SPATA16: variants seen among roughly 807,000 people sequenced by gnomAD.
SPATA16 encodes spermatogenesis associated 16.
SPATA16 carries 36 observed loss-of-function variants against 63.3 expected under a neutral mutation model. That is an observed-to-expected ratio of 0.57 (90% CI 0.44 to 0.75). The LOEUF is 0.75. Ranked by LOEUF, SPATA16 falls within the 30% of genes least tolerant of loss-of-function variation. The pLI is 0.00. For missense variants in SPATA16, 646 were observed against 679.3 expected, an observed-to-expected ratio of 0.95 and a Z score of 0.54; for synonymous variants, 203 against 216.7, an observed-to-expected ratio of 0.94 and a Z score of 0.56.
intron 3 of SPATA16, among the ~76,000 whole-genome samples, chr3:173,036,713 G>C (rs1404716808): frequency 2.0e-5 from 3 of 151,902 alleles, no homozygotes; most frequent in Admixed American, 1.3e-4. Flanking sequence ...TGCATACCTT[G>C]TGTGACATTG....
chr3:172,923,557 C>T (rs183052456), intron 8 of SPATA16, among the ~76,000 whole-genome samples: 1 of 152,182 alleles, frequency 6.6e-6, no homozygotes, highest in Non-Finnish European at 1.5e-5. Flanking sequence ...AAGGAGAAAT[C>T]TGCAGCCTTT....
At chr3:172,977,162 A>C in intron 4 of SPATA16, 110 bp from the exon 5 acceptor site, 1 of 904,110 alleles carries the variant, frequency 1.1e-6, no homozygotes, top group East Asian at 2.6e-5. Flanking sequence ...TTTAATGTAT[A>C]AATTTGTCTA....
At chr3:172,978,127 C>T in intron 4 of SPATA16, among the ~76,000 whole-genome samples, 1 of 150,126 alleles carries the variant, frequency 6.7e-6, no homozygotes, top group East Asian at 1.9e-4. Flanking sequence ...TCAGCTCTCT[C>T]TCTCTCTCTC....
chr3:172,921,222 T>A (rs1372130116), intron 8 of SPATA16, among the ~76,000 whole-genome samples: 2 of 152,154 alleles, frequency 1.3e-5, no homozygotes, highest in African/African-American at 4.8e-5. Flanking sequence ...AAATGTGACA[T>A]TCTACTAGGG....
chr3:172,927,515 C>T (rs1732765931), intron 6 of SPATA16, among the ~76,000 whole-genome samples: 1 of 152,162 alleles, frequency 6.6e-6, no homozygotes, highest in African/African-American at 2.4e-5. Context: ...GGCTAATATT[C>T]ATCTGGCGCT....
At chr3:172,903,367 G>A (rs953722198) in intron 10 of SPATA16, among the ~76,000 whole-genome samples, 1 of 152,140 alleles carries the variant, frequency 6.6e-6, no homozygotes, top group Non-Finnish European at 1.5e-5. Context: ...GGACTAATAC[G>A]AGCATTTCCA....
chr3:172,913,600 A>T, intron 10 of SPATA16, 61 bp downstream of exon 10: 1 of 1,525,190 alleles, frequency 6.6e-7, no homozygotes, highest in Non-Finnish European at 9.1e-7. Context: ...AACAGATTTG[A>T]CCCAAAATGG....
intron 4 of SPATA16, among the ~76,000 whole-genome samples, chr3:172,994,967 G>A (rs1171391885): frequency 1.3e-5 from 2 of 152,038 alleles, no homozygotes; most frequent in Middle Eastern, 3.2e-3. Context: ...CAGCCAAATG[G>A]GGGTGCTTGA....
intron 1 of SPATA16, among the ~76,000 whole-genome samples, chr3:173,133,803 G>GA (rs1414652382): frequency 5.3e-5 from 8 of 152,172 alleles, no homozygotes; most frequent in African/African-American, 1.4e-4. Context: ...AAAAAGGAAA[G>GA]AAAAAACTTT....
chr3:172,929,094 A>G (rs1454204557), intron 6 of SPATA16, among the ~76,000 whole-genome samples: 2 of 152,238 alleles, frequency 1.3e-5, no homozygotes, highest in Non-Finnish European at 2.9e-5. Flanking sequence ...TCTGTAGGAA[A>G]GTAGAATTGA....
intron 1 of SPATA16, among the ~76,000 whole-genome samples, chr3:173,124,579 C>T (rs931435465): frequency 2.6e-5 from 4 of 152,202 alleles, no homozygotes; most frequent in Non-Finnish European, 4.4e-5. Context: ...GATGCCTGCA[C>T]TGATGTAGCA....
chr3:172,971,806 AT>A (rs1010142493), intron 5 of SPATA16, among the ~76,000 whole-genome samples: 5 of 152,114 alleles, frequency 3.3e-5, no homozygotes, highest in Non-Finnish European at 7.4e-5. Context: ...TGTGGGTGCT[AT>A]TTTTTGCTTT....
chr3:173,019,050 TC>T (rs1423695790), intron 4 of SPATA16, among the ~76,000 whole-genome samples: 1 of 152,162 alleles, frequency 6.6e-6, no homozygotes, highest in African/African-American at 2.4e-5. Flanking sequence ...CTCTGGGACA[TC>T]TCTAGCAAAC....
intron 10 of SPATA16, among the ~76,000 whole-genome samples, chr3:172,902,636 T>C (rs1224680220): frequency 6.6e-6 from 1 of 152,236 alleles, no homozygotes; most frequent in East Asian, 1.9e-4. Flanking sequence ...TAGGTCTTAC[T>C]TTATTCTACA....
chr3:173,125,385 T>A (rs535216985), intron 1 of SPATA16, among the ~76,000 whole-genome samples: 1 of 152,148 alleles, frequency 6.6e-6, no homozygotes, highest in South Asian at 2.1e-4. Flanking sequence ...GAAAATCAGA[T>A]CCCACCTCAT....
At position 173,136,051 on chromosome 3, in the gene SPATA16, T is replaced by A. The variant is rs1267573946; in HGVS notation, c.-19+5052A>T. ...CCCCCTACTCCCTTATCTACAACCT[T>A]TGCATTGTCTAAGAATATAAGCAAG... On this transcript the variant is annotated intron_variant, in intron 1 of 10. Transcript: ENST00000351008. 3.3e-5 allele frequency among the ~76,000 whole-genome samples: 5 copies of A among 152,292 alleles called. No individual in the cohort carries two copies. The East Asian group carries it at 9.6e-4, about 29-fold the overall frequency.
chr3:173,027,974 TCTCCCTCCCTCC>T (rs1185002655), intron 3 of SPATA16, among the ~76,000 whole-genome samples: 41 of 23,414 alleles, frequency 1.8e-3, no homozygotes, highest in East Asian at 2.4e-3. Context: ...ATTTATTTTT[TCTCCCTCCCTCC>T]CTCCCTCCCT....
intron 2 of SPATA16, among the ~76,000 whole-genome samples, chr3:173,103,855 A>C (rs1019809387): frequency 2.0e-5 from 3 of 152,216 alleles, no homozygotes; most frequent in African/African-American, 7.2e-5. Context: ...TTTCTCTGCC[A>C]CATGGCCAAG....
intron 3 of SPATA16, among the ~76,000 whole-genome samples, chr3:173,024,726 A>G (rs148046834): frequency 2.6e-5 from 4 of 150,956 alleles, no homozygotes; most frequent in African/African-American, 9.6e-5. Context: ...TTTTCAATCA[A>G]ACTGATATTA....
Sources: allele counts gnomAD v4.1 joint callset (sites outside exome capture counted in the v4.1 genomes callset), GRCh38; gene constraint gnomAD v4.1.1; transcripts MANE v1.5; gene names NCBI Gene and HGNC (gene_info 2026-07-23, HGNC 2026-07-21).